EPB41L4B: variants seen among roughly 807,000 people sequenced by gnomAD.
EPB41L4B encodes the protein erythrocyte membrane protein band 4.1 like 4B.
Under a neutral mutation model 112.5 loss-of-function variants are expected in EPB41L4B, and 30 were observed. The observed-to-expected ratio is 0.27, with a 90% CI of 0.20 to 0.36. EPB41L4B has a LOEUF of 0.36. EPB41L4B is among the 10% of genes least tolerant of loss of function. EPB41L4B has a pLI of 1.00. For missense variants in EPB41L4B, 1,024 were observed against 1,133.3 expected (o/e 0.90, Z 1.38); for synonymous variants, 408 against 439.7 (o/e 0.93, Z 0.90).
chr9:109,255,989 G>A (rs573079322), intron 9 of EPB41L4B, 146 bp from the exon 10 acceptor site: 9 of 1,166,116 alleles, frequency 7.7e-6, no homozygotes, highest in South Asian at 4.5e-5. Flanking sequence ...AAGTTTCAGC[G>A]CAACTGCCAC....
At position 109,200,310 on chromosome 9, in the gene EPB41L4B, T is replaced by G; in HGVS notation, c.1971A>C (p.Glu657Asp). Residue 657 changes from glutamate (E) to aspartate (D), a missense_variant, in exon 20 of 26, where the codon GAA (glutamate) becomes GAC (aspartate). Transcript: ENST00000374566. ...SVRSPIPIRVETAQPAVEKPE... is the reference protein window; with the variant it reads ...SVRSPIPIRVDTAQPAVEKPE... ...GCTTTTCCACAGCTGGCTGGGCAGTTTCCACACGAATAGGAATAGGACTTC... is the reference window on the plus strand; with the variant it reads ...GCTTTTCCACAGCTGGCTGGGCAGTGTCCACACGAATAGGAATAGGACTTC... The G allele has an allele frequency of 7.4e-6, 12 of 1,614,136 alleles. No individual in the cohort carries two copies. The highest frequency in any genetic ancestry group is 1.0e-5 in the Non-Finnish European group (12 of 1,180,016).
chr9:109,259,128 A>G (rs1184699047), intron 6 of EPB41L4B, among the ~76,000 whole-genome samples: 4 of 152,168 alleles, frequency 2.6e-5, no homozygotes, highest in African/African-American at 4.8e-5. Flanking sequence ...CCACACACCA[A>G]TAGTACTGCC....
chr9:109,268,780 C>A (rs1835500711), intron 2 of EPB41L4B, among the ~76,000 whole-genome samples: 1 of 151,564 alleles, frequency 6.6e-6, no homozygotes, highest in Non-Finnish European at 1.5e-5. Context: ...GCCTGTAGTC[C>A]CAGCTACATG....
In EPB41L4B at chr9:109,188,595, CTAATT is replaced by C. The variant is rs369523114; in HGVS notation, c.2302-2995_2302-2991del. ...CAGCCAAAATCACAGAAGGGGTACC[CTAATT>C]TAATTTGAGATTCAGCTTCAGCCCT... On this transcript the variant is annotated intron_variant, in intron 22 of 25. Coordinates refer to ENST00000374566, the MANE Select transcript of EPB41L4B (RefSeq NM_019114.5). Among the ~76,000 whole-genome samples the C allele has an allele frequency of 7.2e-5, 11 of 152,154 alleles. No homozygotes were observed. The East Asian group carries it at 2.1e-3, about 29-fold the overall frequency.
intron 15 of EPB41L4B, among the ~76,000 whole-genome samples, chr9:109,242,579 AAAGTT>A (rs1187599675): frequency 1.3e-5 from 2 of 152,386 alleles, no homozygotes; most frequent in East Asian, 3.9e-4. Context: ...TCTGCTTTAA[AAAGTT>A]AAGTGACTAC....
intron 4 of EPB41L4B, among the ~76,000 whole-genome samples, chr9:109,266,883 C>G (rs747569775): frequency 6.9e-6 from 1 of 144,180 alleles, no homozygotes; most frequent in African/African-American, 2.6e-5. Context: ...GCAGGAGAAT[C>G]GCTTGAACCC....
At chr9:109,314,000 G>A (rs1588242018) in intron 1 of EPB41L4B, among the ~76,000 whole-genome samples, 1 of 152,336 alleles carries the variant, frequency 6.6e-6, no homozygotes, top group Non-Finnish European at 1.5e-5. Flanking sequence ...TTCGATGAAT[G>A]CATTGTAAAC....
chr9:109,203,612 G>A (rs773904551), intron 19 of EPB41L4B, 51 bp downstream of exon 19: 1 of 1,406,820 alleles, frequency 7.1e-7, no homozygotes, highest in South Asian at 1.2e-5. Context: ...CAAGGATAAT[G>A]TTGATGATAC....
In EPB41L4B at chr9:109,281,709, TA is replaced by T. The variant is rs1564317111; in HGVS notation, c.307-1789del. ...ATAAATAAATAAATAAATAAATAAATAAATAAATAAATAAATTAATTAATTA... is the reference window on the plus strand; with the variant it reads ...ATAAATAAATAAATAAATAAATAAATAATAAATAAATAAATTAATTAATTA... On this transcript the variant is annotated intron_variant, in intron 1 of 25. Transcript: ENST00000374566. Among the ~76,000 whole-genome samples the T allele has an allele frequency of 4.7e-5, 6 of 128,210 alleles. No individual in the cohort carries two copies. The East Asian group carries it at 6.6e-4, about 14-fold the overall frequency. The allele number at this position is 128,210 out of a possible 152,430, so 84.1% of individuals were successfully genotyped here. A position where few individuals can be genotyped will look rare whatever the true frequency, so the allele number is the denominator to read the frequency against.
chr9:109,251,361 G>T (rs1834781045), intron 13 of EPB41L4B, 120 bp downstream of exon 13: 1 of 950,568 alleles, frequency 1.1e-6, no homozygotes, highest in African/African-American at 1.6e-5. Flanking sequence ...CAGAAAAAGG[G>T]GAAAAAAATT....
At chr9:109,281,297 C>T (rs560047137) in intron 1 of EPB41L4B, among the ~76,000 whole-genome samples, 2 of 152,236 alleles carry the variant, frequency 1.3e-5, no homozygotes, top group East Asian at 1.9e-4. Flanking sequence ...TAGTTCCCCC[C>T]AAACATACAA....
intron 1 of EPB41L4B, among the ~76,000 whole-genome samples, chr9:109,293,688 T>C (rs1388385363): frequency 5.6e-5 from 7 of 124,032 alleles, no homozygotes; most frequent in Admixed American, 5.2e-4. Flanking sequence ...CTGGACAACA[T>C]ACACATTCTT....
intron 15 of EPB41L4B, among the ~76,000 whole-genome samples, chr9:109,234,958 C>T (rs1284722541): frequency 2.6e-5 from 4 of 152,224 alleles, no homozygotes; most frequent in Non-Finnish European, 5.9e-5. Flanking sequence ...TAAAATCTTC[C>T]TCCAATTCGT....
chr9:109,218,107 A>G (rs1833442029), intron 15 of EPB41L4B, among the ~76,000 whole-genome samples: 1 of 144,246 alleles, frequency 6.9e-6, no homozygotes, highest in Admixed American at 7.1e-5. Context: ...GCTTGAATAT[A>G]TCTCTAATAC....
At chr9:109,303,723 C>G (rs1461117484) in intron 1 of EPB41L4B, among the ~76,000 whole-genome samples, 1 of 151,774 alleles carries the variant, frequency 6.6e-6, no homozygotes, top group Non-Finnish European at 1.5e-5. Context: ...CCAGGCTGGT[C>G]TCGAACTCCT....
chr9:109,195,478 A>G (rs979598881), intron 20 of EPB41L4B, among the ~76,000 whole-genome samples: 8 of 152,218 alleles, frequency 5.3e-5, no homozygotes, highest in Non-Finnish European at 8.8e-5. Context: ...TGAGAATTGA[A>G]TAAGTACATG....
chr9:109,311,177 C>T (rs372889839), intron 1 of EPB41L4B, among the ~76,000 whole-genome samples: 21 of 152,060 alleles, frequency 1.4e-4, no homozygotes, highest in East Asian at 5.8e-4. Flanking sequence ...CACTTAAACA[C>T]GGTTAAAATA....
chr9:109,306,626 AC>A (rs1837207639), intron 1 of EPB41L4B, among the ~76,000 whole-genome samples: 3 of 151,912 alleles, frequency 2.0e-5, no homozygotes, highest in African/African-American at 4.8e-5. Context: ...AAACAAACAA[AC>A]AAACAAACAA....
chr9:109,310,996 T>C (rs1270889834), intron 1 of EPB41L4B, among the ~76,000 whole-genome samples: 4 of 152,042 alleles, frequency 2.6e-5, no homozygotes, highest in African/African-American at 4.8e-5. Flanking sequence ...GCTAAATTCA[T>C]AGACAAAAAA....
Sources: gnomAD v4.1 joint callset for allele counts (sites outside exome capture counted in the v4.1 genomes callset) on GRCh38, gnomAD v4.1.1 for gene constraint, MANE v1.5 for transcripts, NCBI Gene and HGNC (gene_info 2026-07-23, HGNC 2026-07-21) for gene names.